Variants in ATM observed in about 807,000 individuals in gnomAD.
ATM encodes the protein ATM serine/threonine kinase, also known as serine-protein kinase ATM.
ATM carries 308 observed loss-of-function variants against 387.0 expected under a neutral mutation model. The ratio of observed to expected loss-of-function variants is 0.80; its 90% confidence interval spans 0.73 to 0.87. The LOEUF (loss-of-function observed/expected upper bound fraction) is 0.87. ATM is among the 40% of genes least tolerant of loss of function. The pLI, the probability that ATM is intolerant of heterozygous loss-of-function variation, is 0.00. For synonymous variants in ATM, 1,156 were observed against 1,187.3 expected (o/e 0.97, Z 0.54); for missense variants, 3,312 against 3,560.9 (o/e 0.93, Z 1.78).
At chr11:108,291,439 A>G (rs2135785927) in intron 29 of ATM, among the ~76,000 whole-genome samples, 1 of 152,324 alleles carries the variant, frequency 6.6e-6, no homozygotes, top group East Asian at 1.9e-4. Context: ...TTGTGCAACC[A>G]TCACCACTGT....
chr11:108,354,924 T>G (rs758956006), intron 61 of ATM, 50 bp downstream of exon 61: 75 of 1,474,052 alleles, frequency 5.1e-5, no homozygotes, highest in Non-Finnish European at 6.7e-5. Context: ...CCAGGTAGAC[T>G]GTGTATCTCA....
chr11:108,343,228 C>A lies in ATM; in HGVS notation c.8275C>A (p.Pro2759Thr). 1 of 1,613,894 alleles carries A rather than the reference C, an allele frequency of 6.2e-7. No individual in the cohort carries two copies. The highest frequency in any genetic ancestry group is 1.1e-5 in the South Asian group (1 of 91,072). The change falls in exon 57 of 63, where the codon CCC becomes ACC. Residue 2759 changes from proline to threonine, a missense_variant. By Grantham distance (38) the Pro-to-Thr change is conservative. Coordinates refer to ENST00000675843, the MANE Select transcript of ATM (RefSeq NM_000051.4). Reference sequence around the variant, plus strand: ...ATTTAATCTGTAACTCCAGGTGGTTCCCCTCTCTCAGCGAAGTGGTGTTCT... The same window carrying A: ...ATTTAATCTGTAACTCCAGGTGGTTACCCTCTCTCAGCGAAGTGGTGTTCT... Reference protein sequence around the residue: ...KLTICTYKVVPLSQRSGVLEW... With the variant: ...KLTICTYKVVTLSQRSGVLEW...
At chr11:108,279,463 G>A (rs2135641659) in intron 22 of ATM, 28 bp from the exon 23 acceptor site, 2 of 1,473,004 alleles carry the variant, frequency 1.4e-6, no homozygotes, top group Middle Eastern at 1.7e-4. Context: ...TTCACTTTTT[G>A]TTTGTTTGTT....
In ATM at chr11:108,292,362, T is replaced by C. The variant is rs76385647; in HGVS notation, c.4437-257T>C. On this transcript the variant is annotated intron_variant, in intron 29 of 62. Transcript: ENST00000675843. ...GATTACTGTAAACCTTTGACTATTT[T>C]ACAGAATTCTAACAAAATTAGTTCT... Among the ~76,000 whole-genome samples the C allele has an allele frequency of 4.3e-3, 653 of 152,368 alleles. 5 individuals carry two copies. Among genetic ancestry groups the C allele is most frequent in the East Asian group, 0.011 (55 of 5,194 alleles).
chr11:108,232,257 A>T, intron 4 of ATM, among the ~76,000 whole-genome samples: 1 of 152,168 alleles, frequency 6.6e-6, no homozygotes, highest in Admixed American at 6.6e-5. Context: ...TTTTCTTTCA[A>T]ATTTGACTTT....
At chr11:108,287,521 G>T in intron 26 of ATM, 79 bp from the exon 27 acceptor site, 1 of 851,672 alleles carries the variant, frequency 1.2e-6, no homozygotes, top group South Asian at 1.6e-5. Flanking sequence ...TTGGAAATAA[G>T]GTAATATATG....
At chr11:108,319,849 G>T in intron 43 of ATM, 105 bp from the exon 44 acceptor site, 4 of 770,920 alleles carry the variant, frequency 5.2e-6, no homozygotes, top group Non-Finnish European at 8.7e-6. Context: ...TTTTAGAATG[G>T]AGAAATGTTA....
At chr11:108,271,493 T>A in intron 20 of ATM, 87 bp downstream of exon 20, 1 of 1,458,002 alleles carries the variant, frequency 6.9e-7, no homozygotes, top group Admixed American at 1.7e-5. Flanking sequence ...AGTGATTTCT[T>A]CTGATCTTCC....
chr11:108,253,640 G>A (rs1285328849), intron 12 of ATM, among the ~76,000 whole-genome samples, 174 bp from the exon 13 acceptor site: 1 of 151,922 alleles, frequency 6.6e-6, no homozygotes, highest in Admixed American at 6.6e-5. Context: ...ATATAAGTAG[G>A]TCTCAAAGTC....
At position 108,268,448 on chromosome 11, in the gene ATM, C is replaced by T. The variant is rs1555083131; in HGVS notation, c.2677C>T (p.Gln893Ter). ...NPLAEEYLSK[Q>*]DLLFLDMLKF... ...TTTAGCTGAAGAATATCTGTCAAAG[C>T]AAGATCTACTTTTCTTAGACATGCT... Residue 893 changes from glutamine (Q) to a stop codon, truncating the protein, a stop_gained, in exon 18 of 63, where the codon CAA becomes TAA. Coordinates refer to ENST00000675843, the MANE Select transcript of ATM (RefSeq NM_000051.4). LOFTEE classifies it high-confidence loss of function. 6.2e-7 allele frequency: 1 copy of T among 1,613,950 alleles called. No homozygotes were observed. The highest frequency in any genetic ancestry group is 8.5e-7 in the Non-Finnish European group (1 of 1,179,978).
intron 59 of ATM, among the ~76,000 whole-genome samples, chr11:108,351,625 G>A (rs1197789972): frequency 6.6e-6 from 1 of 152,120 alleles, no homozygotes; most frequent in East Asian, 1.9e-4. Context: ...CTCCCATGTG[G>A]CCTCTCTGTC....
rs775621333 is a variant in ATM at position 108,331,494 on chromosome 11, A to G, written c.7566A>G (p.Gln2522=). The G allele has an allele frequency of 2.5e-5, 41 of 1,613,376 alleles. 1 individual carries two copies. In the East Asian group the frequency reaches 5.4e-4, roughly 21 times the overall value. ...PTYKFLPLMY[Q]LAARMGTKMM... is the part of the protein sequence containing the mutation. ...ATAAATTTTTGCCTCTTATGTACCAATTGGCTGCTAGAATGGGGACCAAGA... is the reference window on the plus strand; with the variant it reads ...ATAAATTTTTGCCTCTTATGTACCAGTTGGCTGCTAGAATGGGGACCAAGA... The change falls in exon 51 of 63, where the codon CAA becomes CAG. Residue 2522 remains glutamine, a synonymous_variant. Coordinates refer to ENST00000675843, the MANE Select transcript of ATM (RefSeq NM_000051.4).
chr11:108,238,659 G>A (rs1249908683), intron 5 of ATM, among the ~76,000 whole-genome samples: 4 of 152,014 alleles, frequency 2.6e-5, no homozygotes, highest in Admixed American at 1.3e-4. Flanking sequence ...ACTAAATCTA[G>A]TAGCTTTCTT....
intron 61 of ATM, 57 bp downstream of exon 61, chr11:108,354,931 C>A: frequency 6.9e-7 from 1 of 1,439,386 alleles, no homozygotes; most frequent in Non-Finnish European, 9.8e-7. Flanking sequence ...GACTGTGTAT[C>A]TCATCAGGAA....
At chr11:108,250,421 G>A (rs1215295501) in intron 9 of ATM, among the ~76,000 whole-genome samples, 1 of 152,074 alleles carries the variant, frequency 6.6e-6, no homozygotes, top group African/African-American at 2.4e-5. Flanking sequence ...AAAGTGCTGG[G>A]AAACCACCTG....
chr11:108,317,280 T>A, intron 42 of ATM, 93 bp from the exon 43 acceptor site: 1 of 1,351,802 alleles, frequency 7.4e-7, no homozygotes, highest in South Asian at 1.2e-5. Flanking sequence ...CTAAAATTTG[T>A]CTAAGTTAAT....
Position 108,297,379 on chromosome 11 carries a change from C to A in ATM, c.5002C>A (p.Leu1668Ile), listed in dbSNP as rs747317946. 6.2e-7 allele frequency: 1 copy of A among 1,612,488 alleles called. No individual in the cohort carries two copies. The highest frequency in any genetic ancestry group is 1.1e-5 in the South Asian group (1 of 91,050). Reference sequence around the variant, plus strand: ...AAACCACACTGGTGAAAAAGAAGTTCTAGGTAAACTACAGTCATGCGCTGC... The same window carrying A: ...AAACCACACTGGTGAAAAAGAAGTTATAGGTAAACTACAGTCATGCGCTGC... ...AINHTGEKEV[L>I]EAVGSCLGEV... is the part of the protein sequence containing the mutation. The change falls in exon 33 of 63, where the codon CTA becomes ATA. Residue 1668 changes from leucine to isoleucine, a missense_variant. Leu to Ile is a conservative substitution (Grantham distance 5, BLOSUM62 2). This residue lies in a region of ATM where 1,405 missense variants were observed against 1,604.4 expected (regional missense o/e 0.88). Coordinates refer to ENST00000675843, the MANE Select transcript of ATM (RefSeq NM_000051.4).
chr11:108,361,993 C>T (rs1362718289), intron 61 of ATM, among the ~76,000 whole-genome samples: 1 of 132,596 alleles, frequency 7.5e-6, no homozygotes, highest in African/African-American at 2.8e-5. Context: ...AAAGAAACTA[C>T]CATCAGAGTG....
rs150874041 is a variant in ATM at position 108,353,840 on chromosome 11, G to A, written c.8746G>A (p.Asp2916Asn). The A allele has an allele frequency of 6.2e-7, 1 of 1,613,924 alleles. No individual in the cohort carries two copies. The highest frequency in any genetic ancestry group is 1.3e-5 in the African/African-American group (1 of 74,876). The part of the protein sequence containing the change: ...VPFRLTRDIV[D>N]GMGITGVEGV... ...TTTTAGACTCACCAGAGATATTGTG[G>A]ATGGCATGGGCATTACGGGTGTTGA... is the stretch of plus-strand genomic sequence containing the variant. Residue 2916 changes from aspartate to asparagine, a missense_variant, in exon 60 of 63, where the codon GAT becomes AAT. Asp to Asn is a conservative substitution (Grantham distance 23). Transcript: ENST00000675843.
Sources: gnomAD v4.1 joint callset for allele counts (sites outside exome capture counted in the v4.1 genomes callset) on GRCh38, gnomAD v4.1.1 for gene constraint, gnomAD v4.1.1 regional missense constraint, MANE v1.5 for transcripts, NCBI Gene and HGNC (gene_info 2026-07-23, HGNC 2026-07-21) for gene names.